Variants in ITPR1 observed in about 807,000 individuals in gnomAD.
ITPR1 encodes inositol 1,4,5-trisphosphate receptor type 1.
ITPR1 carries 96 observed loss-of-function variants against 318.4 expected under a neutral mutation model. The observed-to-expected ratio is 0.30, with a 90% CI of 0.26 to 0.36. The LOEUF is 0.36. Ranked by LOEUF, ITPR1 falls within the 10% of genes least tolerant of loss-of-function variation. ITPR1 has a pLI of 1.00. For synonymous variants in ITPR1, 1,312 were observed against 1,289.9 expected, an observed-to-expected ratio of 1.02 and a Z score of -0.37; for missense variants, 2,440 against 3,460.2, an observed-to-expected ratio of 0.71 and a Z score of 7.40.
chr3:4,741,936 G>A (rs1451705712), intron 44 of ITPR1, among the ~76,000 whole-genome samples: 1 of 152,162 alleles, frequency 6.6e-6, no homozygotes, highest in Non-Finnish European at 1.5e-5. Flanking sequence ...GTGGAGTCAG[G>A]GCAGCTCTCC....
chr3:4,623,530 C>A (rs1011058669), intron 4 of ITPR1, among the ~76,000 whole-genome samples: 5 of 152,150 alleles, frequency 3.3e-5, no homozygotes, highest in African/African-American at 1.2e-4. Context: ...TATGTACACA[C>A]ATGTGTTCTC....
intron 4 of ITPR1, among the ~76,000 whole-genome samples, chr3:4,603,547 A>G (rs1353840353): frequency 6.6e-6 from 1 of 152,108 alleles, no homozygotes; most frequent in Non-Finnish European, 1.5e-5. Flanking sequence ...CTCCTGCCTC[A>G]GCCTCCTGAG....
intron 44 of ITPR1, among the ~76,000 whole-genome samples, chr3:4,763,235 A>G (rs1261159783): frequency 6.6e-6 from 1 of 152,192 alleles, no homozygotes; most frequent in East Asian, 1.9e-4. Flanking sequence ...CATTAGGAAA[A>G]AGAGCTAATG....
intron 44 of ITPR1, among the ~76,000 whole-genome samples, chr3:4,758,622 TC>T (rs764510465): frequency 2.0e-5 from 3 of 152,154 alleles, no homozygotes; most frequent in African/African-American, 4.8e-5. Flanking sequence ...CCTATTCTCC[TC>T]CCCAGGACCA....
At chr3:4,789,682 C>T (rs140798449) in intron 52 of ITPR1, among the ~76,000 whole-genome samples, 4 of 152,094 alleles carry the variant, frequency 2.6e-5, no homozygotes, top group South Asian at 2.1e-4. Flanking sequence ...TGCAGTGGCG[C>T]GATCTCGGGT....
chr3:4,565,479 A>G (rs1184463717), intron 4 of ITPR1, among the ~76,000 whole-genome samples: 1 of 152,224 alleles, frequency 6.6e-6, no homozygotes. Context: ...TAATTAGTTA[A>G]TACTTGTGAA....
At chr3:4,832,891 C>T (rs1024468256) in intron 60 of ITPR1, among the ~76,000 whole-genome samples, 9 of 152,300 alleles carry the variant, frequency 5.9e-5, no homozygotes, top group African/African-American at 9.6e-5. Context: ...ATGCCAGGAG[C>T]GGCCCTTGGC....
chr3:4,551,916 A>G (rs113041225), intron 4 of ITPR1, among the ~76,000 whole-genome samples: 3,654 of 152,344 alleles, frequency 0.024, 73 homozygotes, highest in Middle Eastern at 0.058. Flanking sequence ...TAGAAAAGAT[A>G]ATTTGATTGA....
Position 4,818,095 on chromosome 3 carries a change from C to T in ITPR1, c.7881C>T (p.Asp2627=), listed in dbSNP as rs2049429697. Residue 2627 remains aspartate (D), a synonymous_variant, in exon 60 of 62, where the codon GAC becomes GAT. Coordinates refer to ENST00000649015, the MANE Select transcript of ITPR1 (RefSeq NM_001378452.1). ...TTCFICGLER[D]KFDNKTVTFE... is the part of the protein sequence containing the mutation. The stretch of plus-strand genomic sequence containing the variant: ...TCTCATTTTTAGGCTTGGAAAGAGA[C>T]AAGTTTGACAACAAGACTGTCACCT... 1 of 1,599,678 alleles carries T rather than the reference C, an allele frequency of 6.3e-7. No individual in the cohort carries two copies. Among genetic ancestry groups the T allele is most frequent in the Non-Finnish European group, 8.6e-7 (1 of 1,169,472 alleles).
At chr3:4,690,114 T>C (rs1396835832) in intron 31 of ITPR1, among the ~76,000 whole-genome samples, 1 of 152,274 alleles carries the variant, frequency 6.6e-6, no homozygotes, top group African/African-American at 2.4e-5. Flanking sequence ...TTATCTCTAT[T>C]AAAAATACAA....
intron 44 of ITPR1, among the ~76,000 whole-genome samples, chr3:4,763,878 G>A (rs971623532): frequency 5.9e-5 from 9 of 152,264 alleles, no homozygotes; most frequent in Non-Finnish European, 1.0e-4. Flanking sequence ...TGGCGCTGCT[G>A]TCAGATAACA....
chr3:4,738,392 C>G lies in ITPR1; in HGVS notation c.5544+3038C>G, dbSNP rs79905986. ...GGGACAGGATGTCACAAACAGAGAC[C>G]CTGTCACTCCTTGCACCAGGCCCAG... On this transcript the variant is annotated intron_variant, in intron 44 of 61. Coordinates refer to ENST00000649015, the MANE Select transcript of ITPR1 (RefSeq NM_001378452.1). Among the ~76,000 whole-genome samples, 358 of 152,244 alleles carry G rather than the reference C, an allele frequency of 2.4e-3. 1 individual carries two copies. Among genetic ancestry groups the G allele is most frequent in the African/African-American group, 7.7e-3 (320 of 41,542 alleles).
At chr3:4,697,469 T>TTTTTTTTTTTTTTTTTG in intron 34 of ITPR1, among the ~76,000 whole-genome samples, 197 bp downstream of exon 34, 2 of 149,106 alleles carry the variant, frequency 1.3e-5, no homozygotes, top group South Asian at 2.1e-4. Flanking sequence ...TTTTTTTTTT[T>TTTTTTTTTTTTTTTTTG]GAGCTGGAGT....
rs1050774209 is a variant in ITPR1, at chr3:4,544,101, A to G, written c.163+23007A>G. 4.6e-5 allele frequency among the ~76,000 whole-genome samples: 7 copies of G among 152,120 alleles called. No individual in the cohort carries two copies. In the South Asian group the frequency reaches 1.5e-3, roughly 32 times the overall value. ...TTCATGCTCCTAGCAGTCTACTTTT[A>G]TTTCATTAGTCAAAATTGGGTTTAA... On this transcript the variant is annotated intron_variant, in intron 4 of 61. Transcript: ENST00000649015.
At chr3:4,843,013 G>A (rs1351476796) in intron 61 of ITPR1, among the ~76,000 whole-genome samples, 3 of 150,710 alleles carry the variant, frequency 2.0e-5, no homozygotes, top group South Asian at 2.1e-4. Flanking sequence ...AAACCTAAGC[G>A]TCCAGAATTG....
chr3:4,544,857 G>A (rs891298922), intron 4 of ITPR1, among the ~76,000 whole-genome samples: 2 of 152,116 alleles, frequency 1.3e-5, no homozygotes, highest in Non-Finnish European at 2.9e-5. Flanking sequence ...GCGTGTGGTG[G>A]TGCACTCACA....
At chr3:4,565,823 A>G (rs540469057) in intron 4 of ITPR1, among the ~76,000 whole-genome samples, 1 of 152,356 alleles carries the variant, frequency 6.6e-6, no homozygotes, top group South Asian at 2.1e-4. Context: ...AAATTTGGAG[A>G]TGAATGTCCA....
chr3:4,764,168 C>CCCA (rs879522552), intron 44 of ITPR1, among the ~76,000 whole-genome samples: 4,429 of 152,240 alleles, frequency 0.029, 89 homozygotes, highest in South Asian at 0.063. Context: ...ATTCTTTGCC[C>CCCA]CCATGATTTT....
At chr3:4,812,861 G>A (rs1462030851) in intron 56 of ITPR1, among the ~76,000 whole-genome samples, 2 of 152,186 alleles carry the variant, frequency 1.3e-5, no homozygotes, top group African/African-American at 4.8e-5. Flanking sequence ...ACGTTCAGTA[G>A]TATCTGTCTA....
Sources: allele counts gnomAD v4.1 joint callset (sites outside exome capture counted in the v4.1 genomes callset), GRCh38; gene constraint gnomAD v4.1.1; transcripts MANE v1.5; gene names NCBI Gene and HGNC (gene_info 2026-07-23, HGNC 2026-07-21).